The following KLF12 variants were observed in gnomAD, a reference collection of about 807,000 sequenced individuals.
KLF12 encodes the protein Krueppel-like factor 12.
In KLF12, 9 loss-of-function variants were observed where a neutral mutation model predicts 37.8. The ratio of observed to expected loss-of-function variants is 0.24; its 90% CI spans 0.14 to 0.42. KLF12 has a LOEUF of 0.42. Among genes scored for constraint, KLF12 ranks in the 10% least tolerant of loss-of-function variants. The probability of loss-of-function intolerance (pLI) is 1.00; values close to 1 mark genes in which losing one functional copy is unlikely to be tolerated. For synonymous variants in KLF12, 208 were observed against 202.1 expected, an observed-to-expected ratio of 1.03 and a Z score of -0.25; for missense variants, 411 against 516.0, an observed-to-expected ratio of 0.80 and a Z score of 1.97.
chr13:73,777,338 G>T (rs566083365), intron 5 of KLF12, among the ~76,000 whole-genome samples: 2 of 152,268 alleles, frequency 1.3e-5, no homozygotes, highest in African/African-American at 4.8e-5. Context: ...TGATGCAATC[G>T]ATGTTTTGAG....
Position 73,845,812 on chromosome 13 carries a change from G to A in KLF12, c.670+15C>T, listed in dbSNP as rs1205286007. 1.9e-6 allele frequency: 3 copies of A among 1,603,870 alleles called. No individual in the cohort carries two copies. In the South Asian group the frequency reaches 3.3e-5, roughly 18 times the overall value. On this transcript the variant is annotated intron_variant, in intron 4 of 7. Transcript: ENST00000377669. ...CTAGTGCTGAAATAAATCAAGGCTT[G>A]TTTATGTCTCTTACCTTTGCCATGG...
the KLF12 span, among the ~76,000 whole-genome samples, chr13:74,263,589 T>C: frequency 6.6e-6 from 1 of 152,152 alleles, no homozygotes; most frequent in Non-Finnish European, 1.5e-5. Flanking sequence ...TCTCTTCTCA[T>C]TCAGAGCAAG....
intron 4 of KLF12, among the ~76,000 whole-genome samples, chr13:73,835,127 C>T (rs1269868268): frequency 4.0e-5 from 6 of 149,350 alleles, no homozygotes; most frequent in African/African-American, 1.5e-4. Context: ...CTCTCGAAGT[C>T]TAAAAACAAA....
chr13:74,106,661 G>C (rs916844934), intron 1 of KLF12, among the ~76,000 whole-genome samples: 2 of 152,102 alleles, frequency 1.3e-5, no homozygotes, highest in African/African-American at 2.4e-5. Context: ...TCAACAAAAC[G>C]TAACTGCCTA....
At chr13:73,966,489 A>G (rs1299721995) in intron 2 of KLF12, among the ~76,000 whole-genome samples, 1 of 152,218 alleles carries the variant, frequency 6.6e-6, no homozygotes, top group Non-Finnish European at 1.5e-5. Flanking sequence ...ATGTGCAGCC[A>G]ACATTGGTCA....
intron 5 of KLF12, among the ~76,000 whole-genome samples, chr13:73,787,827 T>A (rs1039034752): frequency 2.0e-5 from 3 of 152,166 alleles, no homozygotes; most frequent in African/African-American, 7.2e-5. Context: ...CGTAGTACAT[T>A]TTTTTGTATT....
At chr13:74,264,403 G>C in the KLF12 span, among the ~76,000 whole-genome samples, 1 of 152,168 alleles carries the variant, frequency 6.6e-6, no homozygotes, top group Non-Finnish European at 1.5e-5. Context: ...GGGTAGTCTT[G>C]AGTTGCCAAG....
At chr13:74,266,149 T>A in the KLF12 span, among the ~76,000 whole-genome samples, 6,697 of 152,282 alleles carry the variant, frequency 0.044, 164 homozygotes, top group Middle Eastern at 0.071. Context: ...GGCAGCCCAT[T>A]TGATCCAGCG....
At chr13:73,817,232 C>A (rs1222926451) in intron 4 of KLF12, among the ~76,000 whole-genome samples, 3 of 150,134 alleles carry the variant, frequency 2.0e-5, no homozygotes, top group Admixed American at 1.3e-4. Context: ...GTGGGAGGAT[C>A]ACTTGAGCCC....
chr13:74,052,883 A>T (rs1873013736), intron 1 of KLF12, among the ~76,000 whole-genome samples: 1 of 152,104 alleles, frequency 6.6e-6, no homozygotes, highest in Non-Finnish European at 1.5e-5. Flanking sequence ...CTCCCTGGCT[A>T]GTAGGGTTTT....
chr13:74,119,637 G>C (rs867776228), intron 1 of KLF12, among the ~76,000 whole-genome samples: 1 of 152,230 alleles, frequency 6.6e-6, no homozygotes, highest in Middle Eastern at 3.4e-3. Flanking sequence ...CTTGAGGACA[G>C]ATCAATACAA....
At chr13:73,988,020 C>A (rs777571149) in intron 2 of KLF12, among the ~76,000 whole-genome samples, 1 of 152,172 alleles carries the variant, frequency 6.6e-6, no homozygotes, top group Non-Finnish European at 1.5e-5. Flanking sequence ...GATGTCATTT[C>A]CAGAGTCTCC....
the KLF12 span, among the ~76,000 whole-genome samples, chr13:74,285,608 G>C: frequency 5.5e-4 from 84 of 152,242 alleles, no homozygotes; most frequent in Admixed American, 2.0e-3. Context: ...TACTCCCTGT[G>C]ATTTTCTTTC....
At chr13:73,925,150 A>C (rs552089761) in intron 3 of KLF12, among the ~76,000 whole-genome samples, 1 of 152,370 alleles carries the variant, frequency 6.6e-6, no homozygotes. Flanking sequence ...TCATTGATGA[A>C]GTTGAGAATA....
At chr13:73,924,957 A>G (rs1180402047) in intron 3 of KLF12, among the ~76,000 whole-genome samples, 1 of 152,202 alleles carries the variant, frequency 6.6e-6, no homozygotes, top group African/African-American at 2.4e-5. Context: ...CAAGTCTCCA[A>G]CTTTCTTCCA....
At chr13:73,833,093 C>T (rs573699006) in intron 4 of KLF12, among the ~76,000 whole-genome samples, 3 of 152,216 alleles carry the variant, frequency 2.0e-5, no homozygotes, top group Admixed American at 1.3e-4. Context: ...TAATTTGTTT[C>T]GCCCTGAGTG....
intron 1 of KLF12, among the ~76,000 whole-genome samples, chr13:73,997,580 A>T (rs1219094460): frequency 2.0e-5 from 3 of 152,224 alleles, no homozygotes; most frequent in Non-Finnish European, 4.4e-5. Flanking sequence ...AAAGCAAGCC[A>T]TGATATAAAA....
intron 3 of KLF12, among the ~76,000 whole-genome samples, chr13:73,920,758 C>T (rs145345290): frequency 4.3e-4 from 66 of 152,242 alleles, no homozygotes; most frequent in African/African-American, 1.3e-3. Context: ...ATCTCTCTCT[C>T]TCCTGTTGGG....
At chr13:74,180,433 C>A in the KLF12 span, among the ~76,000 whole-genome samples, 2 of 152,188 alleles carry the variant, frequency 1.3e-5, no homozygotes, top group African/African-American at 4.8e-5. Context: ...ACCTATTTAG[C>A]ATTTGGCTTT....
Sources: allele counts gnomAD v4.1 joint callset (sites outside exome capture counted in the v4.1 genomes callset), GRCh38; gene constraint gnomAD v4.1.1; transcripts MANE v1.5; gene names NCBI Gene and HGNC (gene_info 2026-07-23, HGNC 2026-07-21).